EPHA3: variants seen among roughly 807,000 people sequenced by gnomAD.
The protein encoded by EPHA3 is EPH receptor A3, also known as ephrin type-A receptor 3.
EPHA3 carries 42 observed loss-of-function variants against 107.1 expected under a neutral mutation model. That is an observed-to-expected ratio of 0.39 (90% CI 0.31 to 0.51). The LOEUF (loss-of-function observed/expected upper bound fraction) is 0.51, where lower values mean the gene tolerates loss of function less well. Among genes scored for constraint, EPHA3 ranks in the 20% least tolerant of loss-of-function variants. The pLI is 0.78. For missense variants in EPHA3, 1,183 were observed against 1,211.2 expected (o/e 0.98, Z 0.35); for synonymous variants, 461 against 424.8 (o/e 1.09, Z -1.05).
intron 3 of EPHA3, among the ~76,000 whole-genome samples, chr3:89,237,441 A>C (rs1184553778): frequency 6.6e-6 from 1 of 152,194 alleles, no homozygotes; most frequent in Admixed American, 6.5e-5. Flanking sequence ...AAGGATTATG[A>C]TTAATGTAGT....
chr3:89,222,745 C>T (rs1409273467), intron 3 of EPHA3, among the ~76,000 whole-genome samples: 1 of 151,986 alleles, frequency 6.6e-6, no homozygotes, highest in African/African-American at 2.4e-5. Context: ...ATTTCTTTTA[C>T]TGCTTTTAGA....
At chr3:89,446,784 G>A (rs1709885294) in intron 13 of EPHA3, among the ~76,000 whole-genome samples, 1 of 151,162 alleles carries the variant, frequency 6.6e-6, no homozygotes, top group Non-Finnish European at 1.5e-5. Flanking sequence ...TTCAGTATAA[G>A]TATACTTATA....
intron 13 of EPHA3, among the ~76,000 whole-genome samples, chr3:89,446,705 C>CT (rs943016923): frequency 3.4e-5 from 5 of 147,034 alleles, no homozygotes; most frequent in East Asian, 4.0e-4. Flanking sequence ...TTTCTTTTTT[C>CT]TTTTTTTTAG....
At chr3:89,168,594 G>T (rs1705133637) in intron 2 of EPHA3, among the ~76,000 whole-genome samples, 2 of 151,820 alleles carry the variant, frequency 1.3e-5, no homozygotes, top group African/African-American at 2.4e-5. Context: ...TTAATTTCAT[G>T]ACTAAATTAG....
intron 3 of EPHA3, among the ~76,000 whole-genome samples, chr3:89,213,303 T>C (rs528781219): frequency 9.2e-5 from 14 of 151,964 alleles, no homozygotes; most frequent in South Asian, 2.1e-4. Flanking sequence ...CAGAATCTAA[T>C]TGAGTAGGTT....
chr3:89,295,556 G>C (rs1335162313), intron 3 of EPHA3, among the ~76,000 whole-genome samples: 3 of 152,060 alleles, frequency 2.0e-5, no homozygotes, highest in African/African-American at 7.2e-5. Context: ...AACTAAGTTT[G>C]TGTAATATTC....
At chr3:89,455,992 C>G (rs1710091051) in intron 15 of EPHA3, among the ~76,000 whole-genome samples, 1 of 152,138 alleles carries the variant, frequency 6.6e-6, no homozygotes, top group Admixed American at 6.6e-5. Flanking sequence ...CTCGTATTAC[C>G]AGTGCAGATT....
intron 3 of EPHA3, among the ~76,000 whole-genome samples, chr3:89,324,133 A>G (rs1281699502): frequency 6.6e-6 from 1 of 151,288 alleles, no homozygotes; most frequent in Non-Finnish European, 1.5e-5. Flanking sequence ...CAACTGCTCA[A>G]TGTGGAACTT....
intron 5 of EPHA3, among the ~76,000 whole-genome samples, chr3:89,365,643 G>C (rs560134189): frequency 6.6e-6 from 1 of 150,608 alleles, no homozygotes; most frequent in Non-Finnish European, 1.5e-5. Context: ...CCAAGAAATT[G>C]TGTTCATCAA....
At chr3:89,109,943 T>C (rs796817635) in intron 1 of EPHA3, among the ~76,000 whole-genome samples, 33 of 152,078 alleles carry the variant, frequency 2.2e-4, no homozygotes, top group African/African-American at 7.7e-4. Flanking sequence ...TAGGTAATAC[T>C]TGAGTGAGAT....
intron 5 of EPHA3, among the ~76,000 whole-genome samples, chr3:89,392,641 C>T (rs1212377567): frequency 1.3e-5 from 2 of 151,522 alleles, no homozygotes; most frequent in South Asian, 4.2e-4. Flanking sequence ...TCTCAAATTG[C>T]AAATTTAAAA....
intron 13 of EPHA3, among the ~76,000 whole-genome samples, chr3:89,439,163 A>T (rs1358025484): frequency 2.0e-5 from 3 of 152,194 alleles, no homozygotes; most frequent in African/African-American, 4.8e-5. Context: ...AAGAAACATT[A>T]ATTTTGCTTT....
chr3:89,375,703 G>C (rs540756435), intron 5 of EPHA3, among the ~76,000 whole-genome samples: 16 of 152,056 alleles, frequency 1.1e-4, no homozygotes, highest in Non-Finnish European at 1.9e-4. Flanking sequence ...CAGTCATACA[G>C]ATTAAGTAGC....
intron 3 of EPHA3, among the ~76,000 whole-genome samples, chr3:89,258,836 G>A (rs542633724): frequency 1.1e-4 from 16 of 152,232 alleles, no homozygotes; most frequent in African/African-American, 3.9e-4. Flanking sequence ...ACAACAAAAG[G>A]AGGACATTTT....
intron 3 of EPHA3, among the ~76,000 whole-genome samples, chr3:89,285,085 T>C (rs1706047340): frequency 6.6e-6 from 1 of 152,178 alleles, no homozygotes. Context: ...ATCATGCCAC[T>C]GCACTCCAGC....
chr3:89,402,175 T>C (rs1708976726), intron 7 of EPHA3, among the ~76,000 whole-genome samples: 1 of 152,208 alleles, frequency 6.6e-6, no homozygotes, highest in South Asian at 2.1e-4. Context: ...ACCACAGATA[T>C]TGCTGTGGTA....
rs558449149 is a variant in EPHA3, at chr3:89,342,218, C to T, written c.1306+128C>T. The T allele has an allele frequency of 8.3e-5, 59 of 706,930 alleles. No homozygotes were observed. In the Admixed American group the frequency reaches 1.2e-3, roughly 15 times the overall value. 43.8% of individuals were successfully genotyped at this position (706,930 alleles called of 1,614,324 possible). A position where few individuals can be genotyped will look rare whatever the true frequency, so the allele number is the denominator to read the frequency against. ...AACCCCAGGATTTTGCCTTCTAACACATTTAAACAGTTATGGCACATTAAA... is the reference window on the plus strand; with the variant it reads ...AACCCCAGGATTTTGCCTTCTAACATATTTAAACAGTTATGGCACATTAAA... On this transcript the variant is annotated intron_variant, in intron 5 of 16. Coordinates refer to ENST00000336596, the MANE Select transcript of EPHA3 (RefSeq NM_005233.6).
intron 13 of EPHA3, among the ~76,000 whole-genome samples, chr3:89,445,840 T>C (rs2107550122): frequency 6.6e-6 from 1 of 152,358 alleles, no homozygotes; most frequent in East Asian, 1.9e-4. Flanking sequence ...GTGGCCAAGA[T>C]ACTTTTCCAA....
intron 7 of EPHA3, chr3:89,399,916 G>C (rs1708924689): frequency 9.5e-7 from 1 of 1,056,970 alleles, no homozygotes; most frequent in Admixed American, 5.4e-5. Context: ...ATATCACAGA[G>C]AGAATAAGGA....
Sources: allele counts gnomAD v4.1 joint callset (sites outside exome capture counted in the v4.1 genomes callset), GRCh38; gene constraint gnomAD v4.1.1; transcripts MANE v1.5; gene names NCBI Gene and HGNC (gene_info 2026-07-23, HGNC 2026-07-21).